XIRP2: variants seen among roughly 807,000 people sequenced by gnomAD.
XIRP2 encodes xin actin-binding repeat-containing protein 2.
XIRP2 carries 236 observed loss-of-function variants against 277.0 expected under a neutral mutation model. That is an observed-to-expected ratio of 0.85 (90% CI 0.77 to 0.95). The LOEUF is 0.95. XIRP2 is among the 40% of genes least tolerant of loss of function. The pLI is 0.00. For synonymous variants in XIRP2, 1,490 were observed against 1,416.5 expected, an observed-to-expected ratio of 1.05 and a Z score of -1.17; for missense variants, 4,640 against 4,157.5, an observed-to-expected ratio of 1.12 and a Z score of -3.19.
At chr2:167,196,646 T>C (rs1322854300) in intron 3 of XIRP2, among the ~76,000 whole-genome samples, 1 of 152,122 alleles carries the variant, frequency 6.6e-6, no homozygotes, top group Non-Finnish European at 1.5e-5. Context: ...CCTGAGGCCC[T>C]GCACTGCTGG....
Position 167,247,299 on chromosome 2 carries a change from C to T in XIRP2, c.5907C>T (p.Val1969=), listed in dbSNP as rs762792708. 2 of 1,613,660 alleles carry T rather than the reference C, an allele frequency of 1.2e-6. No individual in the cohort carries two copies. Among genetic ancestry groups the T allele is most frequent in the Non-Finnish European group, 1.7e-6 (2 of 1,179,834 alleles). The change falls in exon 9 of 11, where the codon GTC becomes GTT. Residue 1969 remains valine, a synonymous_variant. Coordinates refer to ENST00000409195, the MANE Select transcript of XIRP2 (RefSeq NM_152381.6). ...AAACAGATATTCATCAGGTTGCTGT[C>T]CAGAGGAACAAAAATAGTCTTCTTC... The part of the protein sequence containing the change: ...EQKTDIHQVA[V]QRNKNSLLQP...
chr2:167,136,075 T>G lies in XIRP2; in HGVS notation c.562+13T>G. 6.3e-7 allele frequency: 1 copy of G among 1,585,124 alleles called. No homozygotes were observed. The highest frequency in any genetic ancestry group is 2.3e-5 in the East Asian group (1 of 44,266). ...CGCATCTTTGAAGGTTAGCATAACA[T>G]TTTGATATGCTTTCTTGACATCATA... On this transcript the variant is annotated intron_variant, in intron 3 of 10. Transcript: ENST00000409195.
intron 2 of XIRP2, among the ~76,000 whole-genome samples, chr2:167,101,272 T>A (rs917343665): frequency 6.6e-6 from 1 of 152,210 alleles, no homozygotes; most frequent in Non-Finnish European, 1.5e-5. Flanking sequence ...ATGTATAGAA[T>A]ATAATCTCCT....
At position 167,218,313 on chromosome 2, in the gene XIRP2, C is replaced by G; in HGVS notation, c.858+13C>G. On this transcript the variant is annotated intron_variant, in intron 5 of 10. Transcript: ENST00000409195. Reference sequence around the variant, plus strand: ...CAGATCTGAGCAGGTAATACTACTACAGGTGATGGGTAAATCAGGCATGGT... The same window carrying G: ...CAGATCTGAGCAGGTAATACTACTAGAGGTGATGGGTAAATCAGGCATGGT... 1 of 1,450,090 alleles carries G rather than the reference C, an allele frequency of 6.9e-7. No homozygotes were observed. Among genetic ancestry groups the G allele is most frequent in the South Asian group, 1.6e-5 (1 of 62,092 alleles). 89.8% of individuals were successfully genotyped at this position (1,450,090 alleles called of 1,614,324 possible).
intron 2 of XIRP2, among the ~76,000 whole-genome samples, chr2:166,939,466 G>T (rs1191688522): frequency 1.3e-5 from 2 of 151,894 alleles, no homozygotes; most frequent in East Asian, 1.9e-4. Context: ...GGATCACAAG[G>T]TCAGGAGATC....
intron 10 of XIRP2, among the ~76,000 whole-genome samples, chr2:167,254,530 G>A (rs1695606328): frequency 6.6e-6 from 1 of 151,848 alleles, no homozygotes; most frequent in South Asian, 2.1e-4. Context: ...AAGTAATTTT[G>A]GCTTTGCAGG....
At chr2:167,139,034 T>C (rs559763875) in intron 3 of XIRP2, among the ~76,000 whole-genome samples, 14 of 151,826 alleles carry the variant, frequency 9.2e-5, no homozygotes, top group Non-Finnish European at 1.9e-4. Context: ...GCCACTGCAC[T>C]CCAGGCTGGC....
Position 167,250,919 on chromosome 2 carries a change from G to A in XIRP2, c.9527G>A (p.Arg3176Lys). The part of the protein sequence containing the change: ...HRANTSPSPP[R>K]SRSEQLVRLK... ...GCAAACACTTCCCCTTCTCCACCCA[G>A]GAGTCGCTCTGAACAACTTGTCAGA... The change falls in exon 9 of 11, where the codon AGG (arginine) becomes AAG (lysine). Residue 3176 changes from arginine (R) to lysine (K), a missense_variant. By Grantham distance (26) the Arg-to-Lys change is conservative. Transcript: ENST00000409195. 1.9e-6 allele frequency: 3 copies of A among 1,613,072 alleles called. No homozygotes were observed. The highest frequency in any genetic ancestry group is 2.5e-6 in the Non-Finnish European group (3 of 1,179,664).
At chr2:166,904,074 T>C (rs961624122) in intron 2 of XIRP2, among the ~76,000 whole-genome samples, 184 bp downstream of exon 2, 1 of 152,130 alleles carries the variant, frequency 6.6e-6, no homozygotes, top group Non-Finnish European at 1.5e-5. Flanking sequence ...TCTGCTTCAA[T>C]GTGGACTTGA....
intron 2 of XIRP2, among the ~76,000 whole-genome samples, chr2:166,959,605 T>C (rs569965338): frequency 6.6e-6 from 1 of 151,984 alleles, no homozygotes; most frequent in South Asian, 2.1e-4. Flanking sequence ...TATTAAAGGC[T>C]ACATTTATGA....
rs16853307 is a variant in XIRP2, at chr2:167,243,933, C to A, written c.2541C>A (p.Thr847=). The change falls in exon 9 of 11, where the codon ACC becomes ACA. Residue 847 remains threonine, a synonymous_variant. Coordinates refer to ENST00000409195, the MANE Select transcript of XIRP2 (RefSeq NM_152381.6). ...DVSRKCWMFE[T]QPLDILKEVP... ...CCAGAAAGTGTTGGATGTTTGAAAC[C>A]CAGCCATTAGACATTCTAAAAGAAG... The A allele has an allele frequency of 0.054, 87,373 of 1,613,758 alleles. 2,787 individuals are homozygous for A. Among genetic ancestry groups the A allele is most frequent in the East Asian group, 0.14 (6,155 of 44,818 alleles).
At chr2:167,003,168 A>C (rs1257170146) in intron 2 of XIRP2, among the ~76,000 whole-genome samples, 1 of 151,900 alleles carries the variant, frequency 6.6e-6, no homozygotes, top group Admixed American at 6.6e-5. Context: ...GGTGAAACTT[A>C]TATACAAAAA....
chr2:167,233,384 C>A (rs543813475), intron 5 of XIRP2, among the ~76,000 whole-genome samples: 4 of 151,878 alleles, frequency 2.6e-5, no homozygotes, highest in African/African-American at 9.7e-5. Context: ...ATAGGTATGT[C>A]TTTAACACAG....
At chr2:167,200,216 G>C (rs1383072015) in intron 3 of XIRP2, among the ~76,000 whole-genome samples, 15 of 152,314 alleles carry the variant, frequency 9.8e-5, no homozygotes, top group Non-Finnish European at 1.0e-4. Context: ...GAAGGATACA[G>C]TTTCCTTCTC....
chr2:167,089,421 G>T (rs1432814670), intron 2 of XIRP2, among the ~76,000 whole-genome samples: 2 of 152,080 alleles, frequency 1.3e-5, no homozygotes, highest in Non-Finnish European at 2.9e-5. Flanking sequence ...TCATATAAGT[G>T]CATTGCCTCA....
chr2:166,974,444 TG>T (rs1204911665), intron 2 of XIRP2, among the ~76,000 whole-genome samples: 1 of 152,064 alleles, frequency 6.6e-6, no homozygotes, highest in African/African-American at 2.4e-5. Context: ...TTGTGTATTG[TG>T]GGGTTTAAAA....
At chr2:167,196,040 T>G (rs1693495180) in intron 3 of XIRP2, among the ~76,000 whole-genome samples, 1 of 151,802 alleles carries the variant, frequency 6.6e-6, no homozygotes, top group Admixed American at 6.6e-5. Flanking sequence ...CCCAGGCTGC[T>G]GTGTGTGTGT....
chr2:167,089,091 C>T (rs949880638), intron 2 of XIRP2, among the ~76,000 whole-genome samples: 8 of 152,112 alleles, frequency 5.3e-5, no homozygotes, highest in African/African-American at 1.9e-4. Flanking sequence ...ACTTAGTACA[C>T]CAGCAGTGTA....
chr2:167,246,558 T>C lies in XIRP2; in HGVS notation c.5166T>C (p.Ser1722=). ...AACGTACCATTCATAATTTATTGTCTTCCACATCAAACAATAAAATATCTG... is the reference window on the plus strand; with the variant it reads ...AACGTACCATTCATAATTTATTGTCCTCCACATCAAACAATAAAATATCTG... The part of the protein sequence containing the change: ...DVKRTIHNLL[S]STSNNKISER... The change falls in exon 9 of 11, where the codon TCT becomes TCC. Residue 1722 remains serine, a synonymous_variant. Transcript: ENST00000409195. 1 of 1,613,804 alleles carries C rather than the reference T, an allele frequency of 6.2e-7. No homozygotes were observed. Among genetic ancestry groups the C allele is most frequent in the Non-Finnish European group, 8.5e-7 (1 of 1,179,834 alleles).
Sources: gnomAD v4.1 joint callset for allele counts (sites outside exome capture counted in the v4.1 genomes callset) on GRCh38, gnomAD v4.1.1 for gene constraint, MANE v1.5 for transcripts, NCBI Gene and HGNC (gene_info 2026-07-23, HGNC 2026-07-21) for gene names.